Variants in MTIF3 observed in about 807,000 individuals in gnomAD.
MTIF3 encodes mitochondrial translational initiation factor 3, also known as translation initiation factor IF-3, mitochondrial.
MTIF3 carries 13 observed loss-of-function variants against 20.7 expected under a neutral mutation model. That is an observed-to-expected ratio of 0.63 (90% CI 0.41 to 1.00). The LOEUF (loss-of-function observed/expected upper bound fraction) is 1.00, where lower values mean the gene tolerates loss of function less well. MTIF3 is among the 50% of genes least tolerant of loss of function. The pLI, the probability that MTIF3 is intolerant of heterozygous loss-of-function variation, is 0.00. For synonymous variants in MTIF3, 114 were observed against 112.5 expected (o/e 1.01, Z -0.08); for missense variants, 295 against 324.5 (o/e 0.91, Z 0.70).
At chr13:27,441,484 T>C (rs1280804303) in intron 2 of MTIF3, among the ~76,000 whole-genome samples, 1 of 152,162 alleles carries the variant, frequency 6.6e-6, no homozygotes, top group Non-Finnish European at 1.5e-5. Context: ...TCATAAACTA[T>C]AAAGATCATT....
At chr13:27,440,487 C>T (rs1953969994) in intron 2 of MTIF3, 38 bp from the exon 3 acceptor site, 1 of 1,480,130 alleles carries the variant, frequency 6.8e-7, no homozygotes, top group Non-Finnish European at 9.1e-7. Context: ...AAAATTCAAT[C>T]ACTTATTCCC....
Position 27,435,782 on chromosome 13 carries a change from T to G in MTIF3, c.730A>C (p.Ser244Arg). ...KALMCVLRAF[S>R]KNEEKAYKET... is the part of the protein sequence containing the mutation. ...TTATATGCCTTCTCCTCATTTTTGC[T>G]GAAAGCACGAAGAACACACATTAAA... The change falls in exon 5 of 5, where the codon AGC becomes CGC. Residue 244 changes from serine to arginine, a missense_variant. Physicochemically the swap from Ser to Arg is moderately radical, Grantham distance 110 (BLOSUM62 -1). Coordinates refer to ENST00000381120, the MANE Select transcript of MTIF3 (RefSeq NM_152912.5). 4 of 1,614,160 alleles carry G rather than the reference T, an allele frequency of 2.5e-6. No individual in the cohort carries two copies. The highest frequency in any genetic ancestry group is 3.4e-6 in the Non-Finnish European group (4 of 1,180,002).
chr13:27,446,693 G>A (rs1377876350), intron 1 of MTIF3, among the ~76,000 whole-genome samples: 6 of 152,022 alleles, frequency 3.9e-5, no homozygotes, highest in African/African-American at 4.8e-5. Flanking sequence ...CCCTTTATTC[G>A]TTTCAAGCCT....
rs61944705 is a variant in MTIF3, at chr13:27,442,474, G to A, written c.-1-2025C>T. 2.1e-4 allele frequency among the ~76,000 whole-genome samples: 32 copies of A among 152,226 alleles called. 1 individual carries two copies. The South Asian group carries it at 5.2e-3, about 25-fold the overall frequency. ...CACACAGAGCAATCCTTAAAAATGCGTAAGTCAGATCACGTTCCTCCTCTG... is the reference window on the plus strand; with the variant it reads ...CACACAGAGCAATCCTTAAAAATGCATAAGTCAGATCACGTTCCTCCTCTG... On this transcript the variant is annotated intron_variant, in intron 2 of 4. Coordinates refer to ENST00000381120, the MANE Select transcript of MTIF3 (RefSeq NM_152912.5).
chr13:27,437,845 G>C (rs1252650583), intron 3 of MTIF3, among the ~76,000 whole-genome samples: 2 of 152,084 alleles, frequency 1.3e-5, no homozygotes, highest in African/African-American at 4.8e-5. Context: ...TGTTCTACAG[G>C]TGAAAAATAC....
chr13:27,439,451 G>A (rs895120210), intron 3 of MTIF3, among the ~76,000 whole-genome samples: 6 of 152,130 alleles, frequency 3.9e-5, no homozygotes, highest in Non-Finnish European at 7.4e-5. Flanking sequence ...AGCACACATC[G>A]CACCACTGCA....
chr13:27,448,851 C>G (rs981381076), intron 1 of MTIF3, among the ~76,000 whole-genome samples: 2 of 151,996 alleles, frequency 1.3e-5, no homozygotes, highest in African/African-American at 2.4e-5. Flanking sequence ...CCAGCCTGGC[C>G]GACATGGTGA....
intron 1 of MTIF3, chr13:27,450,236 G>A (rs543527394): frequency 1.3e-5 from 2 of 152,464 alleles, no homozygotes; most frequent in African/African-American, 4.8e-5. Context: ...GCGCATGTCG[G>A]GACGGAACTA....
At chr13:27,438,483 G>GTT (rs61052475) in intron 3 of MTIF3, among the ~76,000 whole-genome samples, 2,385 of 106,942 alleles carry the variant, frequency 0.022, 273 homozygotes, top group African/African-American at 0.091. Flanking sequence ...GAGCAAGACT[G>GTT]TTTTTTTTTT....
At chr13:27,449,963 TC>T (rs1453955048) in intron 1 of MTIF3, 1 of 152,246 alleles carries the variant, frequency 6.6e-6, no homozygotes, top group Non-Finnish European at 1.5e-5. Context: ...TTCGCGACCT[TC>T]CCCCATAAGG....
chr13:27,450,022 T>A (rs1006306357), intron 1 of MTIF3: 2 of 152,314 alleles, frequency 1.3e-5, no homozygotes, highest in Non-Finnish European at 2.9e-5. Flanking sequence ...TTGTCCAGCA[T>A]GTCCTGCGCA....
chr13:27,449,911 G>A (rs756386368), intron 1 of MTIF3: 3 of 152,202 alleles, frequency 2.0e-5, no homozygotes, highest in Non-Finnish European at 4.4e-5. Context: ...CTTAAGCCAC[G>A]GAGCCCACTA....
At chr13:27,437,473 G>T (rs1261003116) in intron 3 of MTIF3, among the ~76,000 whole-genome samples, 200 bp from the exon 4 acceptor site, 1 of 152,190 alleles carries the variant, frequency 6.6e-6, no homozygotes, top group Non-Finnish European at 1.5e-5. Flanking sequence ...CCCTGGAAGG[G>T]TACTTAAAAT....
chr13:27,436,699 G>A (rs1953769235), intron 4 of MTIF3, among the ~76,000 whole-genome samples: 1 of 150,862 alleles, frequency 6.6e-6, no homozygotes, highest in South Asian at 2.1e-4. Context: ...ATCACTGGGT[G>A]GAAGAATTAC....
At chr13:27,439,226 T>C (rs866437732) in intron 3 of MTIF3, among the ~76,000 whole-genome samples, 4 of 152,184 alleles carry the variant, frequency 2.6e-5, no homozygotes, top group Non-Finnish European at 5.9e-5. Context: ...CTAGGCGCAG[T>C]GGATCACGCC....
At chr13:27,446,338 G>T (rs947078173) in intron 1 of MTIF3, among the ~76,000 whole-genome samples, 26 of 152,186 alleles carry the variant, frequency 1.7e-4, no homozygotes, top group Non-Finnish European at 3.5e-4. Flanking sequence ...GATTACGGGC[G>T]TGAGCCACGG....
intron 3 of MTIF3, among the ~76,000 whole-genome samples, chr13:27,439,712 C>T (rs1953924759): frequency 1.3e-5 from 2 of 152,108 alleles, no homozygotes; most frequent in South Asian, 4.1e-4. Context: ...AAAGAGTTCT[C>T]TTCACTTTGG....
chr13:27,447,480 C>A (rs1593202512), intron 1 of MTIF3, among the ~76,000 whole-genome samples: 1 of 152,178 alleles, frequency 6.6e-6, no homozygotes, highest in Non-Finnish European at 1.5e-5. Flanking sequence ...ACTATACTCT[C>A]CGAGACAGCC....
chr13:27,439,129 A>G (rs1294462636), intron 3 of MTIF3, among the ~76,000 whole-genome samples: 1 of 152,256 alleles, frequency 6.6e-6, no homozygotes, highest in Non-Finnish European at 1.5e-5. Context: ...TGTATATCTA[A>G]GAGTGTTGCT....
Sources: gnomAD v4.1 joint callset for allele counts (sites outside exome capture counted in the v4.1 genomes callset) on GRCh38, gnomAD v4.1.1 for gene constraint, MANE v1.5 for transcripts, NCBI Gene and HGNC (gene_info 2026-07-23, HGNC 2026-07-21) for gene names.